The following GMPS variants were observed in gnomAD, a reference collection of about 807,000 sequenced individuals.
GMPS encodes GMP synthase [glutamine-hydrolyzing].
GMPS carries 15 observed loss-of-function variants against 77.9 expected under a neutral mutation model. That is an observed-to-expected ratio of 0.19 (90% CI 0.13 to 0.30). The LOEUF is 0.30. Ranked by LOEUF, GMPS falls within the 10% of genes least tolerant of loss-of-function variation. The probability of loss-of-function intolerance (pLI) is 1.00; values close to 1 mark genes in which losing one functional copy is unlikely to be tolerated. For missense variants in GMPS, 590 were observed against 838.8 expected (o/e 0.70, Z 3.66); for synonymous variants, 224 against 275.9 (o/e 0.81, Z 1.86).
chr3:155,919,797 T>C (rs1445261154), intron 10 of GMPS, among the ~76,000 whole-genome samples: 1 of 152,184 alleles, frequency 6.6e-6, no homozygotes, highest in Non-Finnish European at 1.5e-5. Flanking sequence ...TGCAGAGAAT[T>C]CCTGGCACAA....
intron 5 of GMPS, among the ~76,000 whole-genome samples, chr3:155,907,226 C>T (rs541610535): frequency 6.6e-6 from 1 of 152,070 alleles, no homozygotes; most frequent in Non-Finnish European, 1.5e-5. Context: ...TATTTTTATT[C>T]ATCCAACAAA....
At chr3:155,884,237 T>G (rs1181288074) in intron 1 of GMPS, among the ~76,000 whole-genome samples, 1 of 150,998 alleles carries the variant, frequency 6.6e-6, no homozygotes, top group Non-Finnish European at 1.5e-5. Flanking sequence ...AATACAAAAA[T>G]TAGCTGGGCA....
intron 15 of GMPS, among the ~76,000 whole-genome samples, chr3:155,937,192 C>A (rs1260104591): frequency 1.3e-5 from 2 of 152,154 alleles, no homozygotes. Flanking sequence ...ACCTTGGTGG[C>A]CCTTAGAGTT....
At chr3:155,915,914 G>T in intron 8 of GMPS, 105 bp from the exon 9 acceptor site, 1 of 688,962 alleles carries the variant, frequency 1.5e-6, no homozygotes. Flanking sequence ...TTTATTTTCT[G>T]ATCAGTATTT....
At chr3:155,887,606 G>A (rs1036896732) in intron 1 of GMPS, among the ~76,000 whole-genome samples, 1 of 152,128 alleles carries the variant, frequency 6.6e-6, no homozygotes, top group Non-Finnish European at 1.5e-5. Context: ...GATAGATTAT[G>A]GAATTTTTTA....
Position 155,895,016 on chromosome 3 carries a change from C to T in GMPS, c.209+1317C>T, listed in dbSNP as rs556578176. ...CAAATCAGAGCTCCATCATTCCCCTCACCCAAAACAAACAAAAAATCCCCA... is the reference window on the plus strand; with the variant it reads ...CAAATCAGAGCTCCATCATTCCCCTTACCCAAAACAAACAAAAAATCCCCA... On this transcript the variant is annotated intron_variant, in intron 2 of 15. Transcript: ENST00000496455. Among the ~76,000 whole-genome samples the T allele has an allele frequency of 2.0e-5, 3 of 152,310 alleles. No individual in the cohort carries two copies. In the South Asian group the frequency reaches 6.2e-4, roughly 32 times the overall value.
intron 13 of GMPS, 45 bp downstream of exon 13, chr3:155,931,925 A>T: frequency 1.2e-6 from 1 of 863,414 alleles, no homozygotes; most frequent in Non-Finnish European, 2.0e-6. Context: ...TAATGGAAGG[A>T]TGTATTTCTT....
intron 12 of GMPS, 78 bp downstream of exon 12, chr3:155,925,444 GC>G (rs1423490315): frequency 1.6e-6 from 2 of 1,217,766 alleles, no homozygotes; most frequent in Admixed American, 2.5e-5. Context: ...TCACTGTGTT[GC>G]CCAGGCTGGA....
At chr3:155,919,935 G>A (rs1231692400) in intron 10 of GMPS, among the ~76,000 whole-genome samples, 6 of 152,192 alleles carry the variant, frequency 3.9e-5, no homozygotes. Context: ...GAGAGGTTGG[G>A]CAAGTCTGTA....
At chr3:155,902,345 G>C (rs1194051344) in intron 3 of GMPS, among the ~76,000 whole-genome samples, 2 of 152,208 alleles carry the variant, frequency 1.3e-5, no homozygotes, top group African/African-American at 4.8e-5. Context: ...CCAGGCATCA[G>C]TAAGCTATGG....
At chr3:155,932,418 C>CAGATAGCATTAAA (rs1337018597) in intron 13 of GMPS, among the ~76,000 whole-genome samples, 5 of 152,020 alleles carry the variant, frequency 3.3e-5, no homozygotes, top group African/African-American at 1.2e-4. Flanking sequence ...AGGCATGTGC[C>CAGATAGCATTAAA]AGATAGCATT....
chr3:155,886,219 G>T (rs1419989789), intron 1 of GMPS, among the ~76,000 whole-genome samples: 1 of 151,764 alleles, frequency 6.6e-6, no homozygotes. Flanking sequence ...CTTTTCTAGG[G>T]ATCTTACTCA....
At chr3:155,934,748 T>A (rs972810065) in intron 13 of GMPS, among the ~76,000 whole-genome samples, 168 bp from the exon 14 acceptor site, 1 of 152,204 alleles carries the variant, frequency 6.6e-6, no homozygotes, top group Non-Finnish European at 1.5e-5. Flanking sequence ...TATAATCTTA[T>A]ATCTTGTCCT....
In GMPS at chr3:155,922,273, G is replaced by T; in HGVS notation, c.1405G>T (p.Val469Leu). Reference protein sequence around the residue: ...FPETNNILKIVADFSASVKKP... With the variant: ...FPETNNILKILADFSASVKKP... ...TGAAACCAACAATATTTTGAAAATA[G>T]TAGCTGATTTTTCTGCAAGTGTTAA... The change falls in exon 11 of 16, where the codon GTA becomes TTA. Residue 469 changes from valine to leucine, a missense_variant. Val to Leu is a conservative substitution (Grantham distance 32, BLOSUM62 1). Coordinates refer to ENST00000496455, the MANE Select transcript of GMPS (RefSeq NM_003875.3). 1 of 1,511,124 alleles carries T rather than the reference G, an allele frequency of 6.6e-7. No homozygotes were observed. Among genetic ancestry groups the T allele is most frequent in the Non-Finnish European group, 9.0e-7 (1 of 1,111,906 alleles). The allele number at this position is 1,511,124 out of a possible 1,614,324, so 93.6% of individuals were successfully genotyped here.
Position 155,883,238 on chromosome 3 carries a change from A to AT in GMPS, c.28-10272dup, listed in dbSNP as rs981575091. ...AGGTGTGCGCCACCACGCCTAGCTAATTTTTTTTGTATTTTTAGTAGAGAT... is the reference window on the plus strand; with the variant it reads ...AGGTGTGCGCCACCACGCCTAGCTAATTTTTTTTTGTATTTTTAGTAGAGAT... On this transcript the variant is annotated intron_variant, in intron 1 of 15. Coordinates refer to ENST00000496455, the MANE Select transcript of GMPS (RefSeq NM_003875.3). 3.3e-5 allele frequency among the ~76,000 whole-genome samples: 5 copies of AT among 151,558 alleles called. No individual in the cohort carries two copies. The East Asian group carries it at 9.7e-4, about 29-fold the overall frequency.
chr3:155,892,141 T>G (rs1035176045), intron 1 of GMPS, among the ~76,000 whole-genome samples: 3 of 152,148 alleles, frequency 2.0e-5, no homozygotes, highest in Non-Finnish European at 4.4e-5. Flanking sequence ...AAATATAAAA[T>G]CACTTATAGT....
intron 2 of GMPS, among the ~76,000 whole-genome samples, 195 bp from the exon 3 acceptor site, chr3:155,897,732 G>A (rs1258555455): frequency 6.6e-6 from 1 of 152,202 alleles, no homozygotes; most frequent in Admixed American, 6.5e-5. Flanking sequence ...AAACATTGCA[G>A]TAAAGTACAG....
At chr3:155,925,939 T>A (rs773534572) in intron 12 of GMPS, among the ~76,000 whole-genome samples, 2 of 152,234 alleles carry the variant, frequency 1.3e-5, no homozygotes, top group Non-Finnish European at 2.9e-5. Flanking sequence ...TAAAAGAACA[T>A]GAGAATAATA....
At chr3:155,936,772 T>C (rs1755776187) in intron 15 of GMPS, among the ~76,000 whole-genome samples, 1 of 152,158 alleles carries the variant, frequency 6.6e-6, no homozygotes, top group African/African-American at 2.4e-5. Context: ...CAATTTCTAC[T>C]TTACAAACAG....
Sources: gnomAD v4.1 joint callset for allele counts (sites outside exome capture counted in the v4.1 genomes callset) on GRCh38, gnomAD v4.1.1 for gene constraint, MANE v1.5 for transcripts, NCBI Gene and HGNC (gene_info 2026-07-23, HGNC 2026-07-21) for gene names.